Variants in TENM3 observed in about 807,000 individuals in gnomAD.
TENM3 encodes teneurin-3.
A neutral mutation model predicts 255.1 loss-of-function variants in TENM3; 63 were observed. That is an observed-to-expected ratio of 0.25 (90% CI 0.20 to 0.30). The LOEUF is 0.30. TENM3 is among the 10% of genes least tolerant of loss of function. TENM3 has a pLI of 1.00. For synonymous variants in TENM3, 1,306 were observed against 1,322.3 expected (o/e 0.99, Z 0.27); for missense variants, 2,929 against 3,461.1 (o/e 0.85, Z 3.86).
rs373117587 is a variant in TENM3 at position 182,732,238 on chromosome 4, T to C, written c.2967+1099T>C. ...TTTATTTATTGAAAAAAAACTTTAGTGCCTAAATGTACCTGACAGCTTGAC... is the reference window on the plus strand; with the variant it reads ...TTTATTTATTGAAAAAAAACTTTAGCGCCTAAATGTACCTGACAGCTTGAC... On this transcript the variant is annotated intron_variant, in intron 16 of 27. Coordinates refer to ENST00000511685, the MANE Select transcript of TENM3 (RefSeq NM_001080477.4). 5.3e-5 allele frequency among the ~76,000 whole-genome samples: 8 copies of C among 152,330 alleles called. No individual in the cohort carries two copies. In the East Asian group the frequency reaches 9.6e-4, roughly 18 times the overall value.
intron 3 of TENM3, among the ~76,000 whole-genome samples, chr4:182,542,930 G>A (rs1025655456): frequency 3.3e-5 from 5 of 152,166 alleles, no homozygotes; most frequent in Admixed American, 2.0e-4. Flanking sequence ...AAGAACACAC[G>A]GGTTAAAGAG....
At chr4:181,914,550 C>T in the TENM3 span, among the ~76,000 whole-genome samples, 1 of 152,146 alleles carries the variant, frequency 6.6e-6, no homozygotes, top group African/African-American at 2.4e-5. Flanking sequence ...CGGTACCCAG[C>T]ATTGTCCACA....
the TENM3 span, among the ~76,000 whole-genome samples, chr4:181,854,525 T>C: frequency 1.3e-5 from 2 of 152,358 alleles, no homozygotes; most frequent in Non-Finnish European, 2.9e-5. Context: ...TGGTAATGTT[T>C]GACTTTACTA....
At chr4:182,332,407 T>A (rs562364522) in intron 2 of TENM3, among the ~76,000 whole-genome samples, 1 of 151,582 alleles carries the variant, frequency 6.6e-6, no homozygotes, top group South Asian at 2.1e-4. Context: ...AAGAAATGAG[T>A]TCAAGCCAGG....
rs78768671 is a variant in TENM3, at chr4:182,192,075, G to A, written c.-76+47321G>A. On this transcript the variant is annotated intron_variant, in intron 1 of 2. Transcript: ENST00000512480. ...TTTTAAATAGAGGGGAAGAAGCTCCGAGAATAATATTTCATGATACGGGAA... is the reference window on the plus strand; with the variant it reads ...TTTTAAATAGAGGGGAAGAAGCTCCAAGAATAATATTTCATGATACGGGAA... 8.7e-4 allele frequency among the ~76,000 whole-genome samples: 132 copies of A among 152,194 alleles called. No individual in the cohort carries two copies. The East Asian group carries it at 0.022, about 26-fold the overall frequency.
chr4:182,090,156 A>C, the TENM3 span, among the ~76,000 whole-genome samples: 3 of 152,224 alleles, frequency 2.0e-5, no homozygotes, highest in Non-Finnish European at 4.4e-5. Context: ...AATTGTGTAG[A>C]TAATATGCAC....
At chr4:181,975,243 T>C in the TENM3 span, 1 of 150,006 alleles carries the variant, frequency 6.7e-6, no homozygotes, top group South Asian at 2.2e-4. Flanking sequence ...GTTCAAGCTA[T>C]TCTCGTGCCT....
chr4:182,091,571 T>C, the TENM3 span, among the ~76,000 whole-genome samples: 1 of 152,080 alleles, frequency 6.6e-6, no homozygotes, highest in Non-Finnish European at 1.5e-5. Flanking sequence ...ACCAGCACAA[T>C]GGTGGTTTGG....
chr4:181,526,454 A>G, the TENM3 span, among the ~76,000 whole-genome samples: 2 of 152,174 alleles, frequency 1.3e-5, no homozygotes, highest in Middle Eastern at 6.8e-3. Context: ...GCCAGGAGAG[A>G]TTGGAAGTTT....
In TENM3 at chr4:182,418,787, C is replaced by A. The variant is rs563308558; in HGVS notation, c.511+71858C>A. Among the ~76,000 whole-genome samples the A allele has an allele frequency of 1.2e-3, 187 of 152,114 alleles. 3 individuals are homozygous for A. The South Asian group carries it at 0.035, about 28-fold the overall frequency. On this transcript the variant is annotated intron_variant, in intron 3 of 27. Transcript: ENST00000511685. ...CATGTTGCCCAGGCTGGTCTTGAAC[C>A]CCTGGGCTCAAGCAATCTGCCTGCC...
intron 24 of TENM3, among the ~76,000 whole-genome samples, chr4:182,787,818 G>A (rs556474488): frequency 4.9e-4 from 74 of 151,228 alleles, no homozygotes; most frequent in Middle Eastern, 3.5e-3. Flanking sequence ...CAGCTCTCTG[G>A]GTGCTTCCCA....
At chr4:182,419,515 A>G (rs1770647807) in intron 3 of TENM3, among the ~76,000 whole-genome samples, 1 of 152,224 alleles carries the variant, frequency 6.6e-6, no homozygotes, top group Non-Finnish European at 1.5e-5. Flanking sequence ...CCATCCCATT[A>G]CTGGGCATAT....
chr4:181,846,501 T>C, the TENM3 span, among the ~76,000 whole-genome samples: 1 of 152,186 alleles, frequency 6.6e-6, no homozygotes, highest in Non-Finnish European at 1.5e-5. Flanking sequence ...GAATTTTGTT[T>C]GAGTCATTTT....
chr4:181,664,722 TGCAGG>T, the TENM3 span, among the ~76,000 whole-genome samples: 1 of 152,110 alleles, frequency 6.6e-6, no homozygotes, highest in Non-Finnish European at 1.5e-5. Flanking sequence ...ACAGCCTCCT[TGCAGG>T]ACTTGGCGGC....
At chr4:181,708,427 A>G in the TENM3 span, among the ~76,000 whole-genome samples, 17 of 152,338 alleles carry the variant, frequency 1.1e-4, no homozygotes, top group African/African-American at 3.1e-4. Flanking sequence ...TTAGAACGAG[A>G]TAAGAGAAAA....
chr4:181,481,754 A>G, the TENM3 span, among the ~76,000 whole-genome samples: 1 of 152,138 alleles, frequency 6.6e-6, no homozygotes, highest in African/African-American at 2.4e-5. Flanking sequence ...TATTCTGTCT[A>G]CACTTTAGTC....
chr4:181,569,070 T>A, the TENM3 span, among the ~76,000 whole-genome samples: 3 of 152,180 alleles, frequency 2.0e-5, no homozygotes, highest in Non-Finnish European at 4.4e-5. Flanking sequence ...CAGTGGCTCA[T>A]GCCTATAATC....
the TENM3 span, among the ~76,000 whole-genome samples, chr4:181,636,555 G>T: frequency 6.6e-6 from 1 of 152,096 alleles, no homozygotes; most frequent in Middle Eastern, 3.2e-3. Context: ...ACTGTGTCAT[G>T]ACAGGTTCCT....
chr4:181,982,577 G>A, the TENM3 span, among the ~76,000 whole-genome samples: 1 of 152,232 alleles, frequency 6.6e-6, no homozygotes, highest in East Asian at 1.9e-4. Flanking sequence ...TTAAGTACAG[G>A]CAGCAGTAAT....
Sources: allele counts gnomAD v4.1 joint callset (sites outside exome capture counted in the v4.1 genomes callset), GRCh38; gene constraint gnomAD v4.1.1; transcripts MANE v1.5; gene names NCBI Gene and HGNC (gene_info 2026-07-23, HGNC 2026-07-21).